Variants in MAF observed in about 807,000 individuals in gnomAD.
MAF encodes MAF bZIP transcription factor.
Under a neutral mutation model 22.0 loss-of-function variants are expected in MAF, and 10 were observed. The ratio of observed to expected loss-of-function variants is 0.45; its 90% CI spans 0.28 to 0.77. The LOEUF is 0.77. Ranked by LOEUF, MAF falls within the 30% of genes least tolerant of loss-of-function variation. MAF has a pLI of 0.12. For synonymous variants in MAF, 337 were observed against 255.8 expected, an observed-to-expected ratio of 1.32 and a Z score of -3.03; for missense variants, 544 against 548.4, an observed-to-expected ratio of 0.99 and a Z score of 0.08.
At chr16:79,350,894 TGTGTGTGTGC>T in the MAF span, among the ~76,000 whole-genome samples, 1 of 151,756 alleles carries the variant, frequency 6.6e-6, no homozygotes, top group Non-Finnish European at 1.5e-5. Flanking sequence ...TGTGTGTGTG[TGTGTGTGTGC>T]GTGTGAATAC....
At chr16:79,504,688 CG>C in the MAF span, among the ~76,000 whole-genome samples, 693 of 152,034 alleles carry the variant, frequency 4.6e-3, 3 homozygotes, top group African/African-American at 0.016. Flanking sequence ...GGATGGATGA[CG>C]GATAGATGGA....
the MAF span, among the ~76,000 whole-genome samples, chr16:79,438,796 A>G: frequency 6.6e-6 from 1 of 152,190 alleles, no homozygotes; most frequent in South Asian, 2.1e-4. Flanking sequence ...AAGAAATAAA[A>G]GGAAAGCAAT....
chr16:79,353,171 G>T, the MAF span, among the ~76,000 whole-genome samples: 32 of 151,756 alleles, frequency 2.1e-4, no homozygotes, highest in Middle Eastern at 3.4e-3. Context: ...ACCCAGGCTG[G>T]AGAGCAGCTG....
At chr16:79,327,467 C>A in the MAF span, among the ~76,000 whole-genome samples, 4 of 152,120 alleles carry the variant, frequency 2.6e-5, no homozygotes, top group African/African-American at 9.7e-5. Flanking sequence ...AGTGTCCATG[C>A]ACGGACAAAG....
At chr16:79,389,511 C>T in the MAF span, among the ~76,000 whole-genome samples, 6 of 152,220 alleles carry the variant, frequency 3.9e-5, no homozygotes, top group African/African-American at 1.4e-4. Context: ...ATCCACCTGC[C>T]TCTGCCTCCC....
At chr16:79,254,474 T>G in the MAF span, among the ~76,000 whole-genome samples, 1 of 152,216 alleles carries the variant, frequency 6.6e-6, no homozygotes, top group Admixed American at 6.5e-5. Flanking sequence ...ATACTCCAAG[T>G]AGCATCTTTG....
chr16:79,578,642 A>G, the MAF span, among the ~76,000 whole-genome samples: 1 of 152,334 alleles, frequency 6.6e-6, no homozygotes, highest in South Asian at 2.1e-4. Context: ...AATATTAGAG[A>G]AGCTTTGACA....
chr16:79,205,893 G>C, the MAF span: 1 of 152,306 alleles, frequency 6.6e-6, no homozygotes, highest in Non-Finnish European at 1.5e-5. Context: ...GAACTGATAA[G>C]ATGGGGGTTG....
chr16:79,288,574 TA>T, the MAF span, among the ~76,000 whole-genome samples: 1 of 152,228 alleles, frequency 6.6e-6, no homozygotes, highest in Non-Finnish European at 1.5e-5. Flanking sequence ...GATACAGTAA[TA>T]ATCAATTATT....
downstream of MAF, among the ~76,000 whole-genome samples, chr16:79,593,345 C>T (rs1212489267): frequency 6.6e-6 from 1 of 152,118 alleles, no homozygotes; most frequent in Non-Finnish European, 1.5e-5. Flanking sequence ...ATGCAGCTAC[C>T]GAGACAGCTG....
chr16:79,490,690 A>C, the MAF span, among the ~76,000 whole-genome samples: 2 of 152,224 alleles, frequency 1.3e-5, no homozygotes, highest in Admixed American at 1.3e-4. Flanking sequence ...CAGAGATTGG[A>C]AAGTGGTACA....
chr16:79,239,310 C>G, the MAF span, among the ~76,000 whole-genome samples: 3 of 152,014 alleles, frequency 2.0e-5, no homozygotes, highest in African/African-American at 4.8e-5. Context: ...ACTGACCATC[C>G]TGGTTTGCTC....
the MAF span, among the ~76,000 whole-genome samples, chr16:79,332,900 C>T: frequency 6.6e-6 from 1 of 152,188 alleles, no homozygotes; most frequent in East Asian, 1.9e-4. Flanking sequence ...CCACAGTTCT[C>T]CAAGCTGGGA....
At chr16:79,289,155 C>G in the MAF span, among the ~76,000 whole-genome samples, 2 of 152,152 alleles carry the variant, frequency 1.3e-5, no homozygotes, top group Non-Finnish European at 2.9e-5. Context: ...TCACTCGATT[C>G]TCAAGATTGT....
chr16:79,377,984 T>A, the MAF span, among the ~76,000 whole-genome samples: 1 of 152,222 alleles, frequency 6.6e-6, no homozygotes, highest in African/African-American at 2.4e-5. Context: ...TTTGTTCTTT[T>A]GGCTTAGGAT....
chr16:79,585,929 T>A (rs1477543754), exon 2 of MAF: 2 of 685,516 alleles, frequency 2.9e-6, no homozygotes, highest in Non-Finnish European at 5.2e-6. Flanking sequence ...ATGTAGAGGA[T>A]TCCCTTGGGT....
At chr16:79,315,992 G>C in the MAF span, among the ~76,000 whole-genome samples, 1 of 152,228 alleles carries the variant, frequency 6.6e-6, no homozygotes, top group Admixed American at 6.5e-5. Flanking sequence ...TCTTGTGCGA[G>C]TTGCTGGTCC....
chr16:79,389,144 A>C, the MAF span, among the ~76,000 whole-genome samples: 1 of 152,184 alleles, frequency 6.6e-6, no homozygotes, highest in African/African-American at 2.4e-5. Context: ...ACCTCTTGCC[A>C]AACTTTTATT....
the MAF span, among the ~76,000 whole-genome samples, chr16:79,206,996 G>T: frequency 6.6e-6 from 1 of 152,134 alleles, no homozygotes; most frequent in Admixed American, 6.5e-5. Flanking sequence ...GTGAGGAATG[G>T]CTGTATCCCA....
Sources: allele counts gnomAD v4.1 joint callset (sites outside exome capture counted in the v4.1 genomes callset), GRCh38; gene constraint gnomAD v4.1.1; transcripts MANE v1.5; gene names NCBI Gene and HGNC (gene_info 2026-07-23, HGNC 2026-07-21).